Variants in DDX55 observed in about 807,000 individuals in gnomAD.
DDX55 encodes the protein DEAD-box helicase 55.
In DDX55, 56 loss-of-function variants were observed where a neutral mutation model predicts 69.2. That is an observed-to-expected ratio of 0.81 (90% CI 0.65 to 1.01). The LOEUF is 1.01. DDX55 is among the 50% of genes least tolerant of loss of function. The pLI is 0.00. For missense variants in DDX55, 720 were observed against 745.1 expected (o/e 0.97, Z 0.39); for synonymous variants, 268 against 273.1 (o/e 0.98, Z 0.18).
Position 123,607,347 on chromosome 12 carries a change from G to A in DDX55, c.247-85G>A. 5 of 1,441,408 alleles carry A rather than the reference G, an allele frequency of 3.5e-6. No homozygotes were observed. In the South Asian group the frequency reaches 6.0e-5, roughly 17 times the overall value. The allele number at this position is 1,441,408 out of a possible 1,614,324, so 89.3% of individuals were successfully genotyped here. A position where few individuals can be genotyped will look rare whatever the true frequency, so the allele number is the denominator to read the frequency against. On this transcript the variant is annotated intron_variant, in intron 3 of 13. Transcript: ENST00000238146. Reference sequence around the variant, plus strand: ...TACTGTTTCTCTGGAACTTTCCTTTGTGTGGTAGAGGGCGGAGGGCCTATG... The same window carrying A: ...TACTGTTTCTCTGGAACTTTCCTTTATGTGGTAGAGGGCGGAGGGCCTATG...
Position 123,616,570 on chromosome 12 carries a change from G to A in DDX55, c.1016G>A (p.Trp339Ter). ...ARGIDIPEVN[W>*]VLQYDPPSNA... ...GGAATTGATATTCCTGAAGTCAACT[G>A]GGTTTTGCAGTATGACCCTCCCAGC... Residue 339 changes from tryptophan (W) to a stop codon, truncating the protein, a stop_gained, in exon 10 of 14, where the codon TGG becomes TAG. Transcript: ENST00000238146. LOFTEE classifies it high-confidence loss of function. 1 of 1,614,130 alleles carries A rather than the reference G, an allele frequency of 6.2e-7. No homozygotes were observed. The highest frequency in any genetic ancestry group is 8.5e-7 in the Non-Finnish European group (1 of 1,180,016).
Position 123,615,271 on chromosome 12 carries a change from A to C in DDX55, c.911A>C (p.Lys304Thr). The part of the protein sequence containing the change: ...VKIMCIHGKM[K>T]YKRNKIFMEF... ...ATTATGTGCATTCACGGAAAGATGA[A>C]ATATAAACGCAATAAGATCTTCATG... is the stretch of plus-strand genomic sequence containing the variant. The change falls in exon 9 of 14, where the codon AAA becomes ACA. Residue 304 changes from lysine to threonine, a missense_variant. Lys to Thr is a moderately conservative substitution (Grantham distance 78). Transcript: ENST00000238146. 6.2e-7 allele frequency: 1 copy of C among 1,614,128 alleles called. No individual in the cohort carries two copies. The highest frequency in any genetic ancestry group is 8.5e-7 in the Non-Finnish European group (1 of 1,179,984).
intron 1 of DDX55, 61 bp downstream of exon 1, chr12:123,602,317 G>A (rs185483189): frequency 2.8e-4 from 400 of 1,435,236 alleles, no homozygotes; most frequent in Middle Eastern, 1.8e-3. Context: ...CGCTGCATCG[G>A]ACCCACAGGA....
chr12:123,608,535 C>A, intron 5 of DDX55, 145 bp from the exon 6 acceptor site: 1 of 946,092 alleles, frequency 1.1e-6, no homozygotes, highest in Non-Finnish European at 1.6e-6. Flanking sequence ...TTCTACCCTG[C>A]AGCACTCTTC....
At chr12:123,609,418 A>G (rs1216884701) in intron 6 of DDX55, among the ~76,000 whole-genome samples, 1 of 135,550 alleles carries the variant, frequency 7.4e-6, no homozygotes, top group Non-Finnish European at 1.5e-5. Context: ...TCTGTCATCC[A>G]GGCTAGAATG....
chr12:123,612,833 AAAG>A (rs1954358917), intron 7 of DDX55, among the ~76,000 whole-genome samples: 1 of 141,792 alleles, frequency 7.1e-6, no homozygotes, highest in Non-Finnish European at 1.5e-5. Context: ...GAAAAAAAAA[AAAG>A]AAGAAAAAAA....
Position 123,610,890 on chromosome 12 carries a change from G to GTTT in DDX55, c.741+769_741+771dup, listed in dbSNP as rs759513993. The stretch of plus-strand genomic sequence containing the variant: ...CAGGTGTGAGCCACCGCGCCCGGCC[G>GTTT]TTTTTTTTTGTTTGTTTTTTTTTGT... On this transcript the variant is annotated intron_variant, in intron 7 of 13. Coordinates refer to ENST00000238146, the MANE Select transcript of DDX55 (RefSeq NM_020936.3). Among the ~76,000 whole-genome samples the GTTT allele has an allele frequency of 2.8e-3, 370 of 132,776 alleles. 4 individuals carry two copies. Among genetic ancestry groups the GTTT allele is most frequent in the African/African-American group, 9.8e-3 (349 of 35,776 alleles). The allele number at this position is 132,776 out of a possible 152,430, so 87.1% of individuals were successfully genotyped here.
intron 3 of DDX55, among the ~76,000 whole-genome samples, chr12:123,607,053 G>A (rs180872423): frequency 6.6e-6 from 1 of 152,284 alleles, no homozygotes; most frequent in Admixed American, 6.5e-5. Flanking sequence ...AGTTCAATGA[G>A]AATGAATCAA....
In DDX55 at chr12:123,602,121, G is replaced by T. The variant is rs201503165; in HGVS notation, c.-28G>T. ...GGTGCACAAGGCGCGTTCGAGCAGCGGCGACCGACGCGGCGAAGGAGCGCG... is the reference window on the plus strand; with the variant it reads ...GGTGCACAAGGCGCGTTCGAGCAGCTGCGACCGACGCGGCGAAGGAGCGCG... On this transcript the variant is annotated 5_prime_UTR_variant, in exon 1 of 14. Coordinates refer to ENST00000238146, the MANE Select transcript of DDX55 (RefSeq NM_020936.3). 1.3e-6 allele frequency: 2 copies of T among 1,534,812 alleles called. No individual in the cohort carries two copies. The highest frequency in any genetic ancestry group is 1.4e-5 in the African/African-American group (1 of 72,610).
intron 12 of DDX55, 111 bp from the exon 13 acceptor site, chr12:123,619,321 A>C: frequency 4.8e-6 from 7 of 1,463,412 alleles, no homozygotes; most frequent in Non-Finnish European, 6.3e-6. Context: ...TTTCATTCTA[A>C]CTAAAATGAA....
chr12:123,615,846 G>T (rs546319500), intron 9 of DDX55, among the ~76,000 whole-genome samples: 15 of 152,350 alleles, frequency 9.8e-5, no homozygotes, highest in Non-Finnish European at 1.8e-4. Flanking sequence ...GTCGGGCATG[G>T]TGGCTGGCGC....
intron 12 of DDX55, among the ~76,000 whole-genome samples, chr12:123,619,167 TA>T (rs1310244783): frequency 6.6e-6 from 1 of 152,206 alleles, no homozygotes; most frequent in Non-Finnish European, 1.5e-5. Flanking sequence ...CACGCCCAGC[TA>T]ATTTTTTGTA....
At chr12:123,608,561 C>A in intron 5 of DDX55, 119 bp from the exon 6 acceptor site, 1 of 1,214,842 alleles carries the variant, frequency 8.2e-7, no homozygotes, top group Non-Finnish European at 1.2e-6. Flanking sequence ...TCATGCTCTT[C>A]GTTCTCTTCA....
At position 123,619,985 on chromosome 12, in the gene DDX55, G is replaced by A; in HGVS notation, c.1648G>A (p.Asp550Asn). The A allele has an allele frequency of 1.9e-5, 31 of 1,613,748 alleles. No individual in the cohort carries two copies. Among genetic ancestry groups the A allele is most frequent in the Non-Finnish European group, 2.6e-5 (31 of 1,179,902 alleles). ...REEGSDIEDE[D>N]MEELLNDTRL... ...TTAGGGTTCTGATATTGAAGATGAGGACATGGAAGAACTTCTTAATGACAC... is the reference window on the plus strand; with the variant it reads ...TTAGGGTTCTGATATTGAAGATGAGAACATGGAAGAACTTCTTAATGACAC... Residue 550 changes from aspartate (D) to asparagine (N), a missense_variant, in exon 14 of 14, where the codon GAC becomes AAC. Coordinates refer to ENST00000238146, the MANE Select transcript of DDX55 (RefSeq NM_020936.3).
chr12:123,608,565 C>T (rs1954024414), intron 5 of DDX55, 115 bp from the exon 6 acceptor site: 8 of 1,269,518 alleles, frequency 6.3e-6, no homozygotes, highest in Admixed American at 2.0e-5. Flanking sequence ...GCTCTTCGTT[C>T]TCTTCACTAG....
intron 13 of DDX55, 60 bp from the exon 14 acceptor site, chr12:123,619,904 G>C (rs952916407): frequency 4.0e-5 from 62 of 1,554,636 alleles, no homozygotes; most frequent in Non-Finnish European, 1.1e-5. Flanking sequence ...AAAACTGCTG[G>C]TTTCACTACA....
chr12:123,615,979 C>T (rs765472992), intron 9 of DDX55, among the ~76,000 whole-genome samples: 28 of 152,124 alleles, frequency 1.8e-4, no homozygotes, highest in Non-Finnish European at 3.7e-4. Context: ...GAGACTCCAT[C>T]TCAAAAACAA....
Position 123,610,148 on chromosome 12 carries a change from T to G in DDX55, c.741+20T>G. On this transcript the variant is annotated intron_variant, in intron 7 of 13. Transcript: ENST00000238146. Reference sequence around the variant, plus strand: ...TACATGGTAAGCGCCTGGGCTTGCTTCTTACTCAGCGATAATGACCAGTGC... The same window carrying G: ...TACATGGTAAGCGCCTGGGCTTGCTGCTTACTCAGCGATAATGACCAGTGC... 3.7e-6 allele frequency: 6 copies of G among 1,605,326 alleles called. No individual in the cohort carries two copies. The highest frequency in any genetic ancestry group is 5.1e-6 in the Non-Finnish European group (6 of 1,176,946).
chr12:123,602,457 A>T (rs2135676945), intron 1 of DDX55, among the ~76,000 whole-genome samples: 1 of 152,140 alleles, frequency 6.6e-6, no homozygotes, highest in East Asian at 1.9e-4. Context: ...GCCGCGACCC[A>T]CCCCGCCCTC....
Sources: gnomAD v4.1 joint callset for allele counts (sites outside exome capture counted in the v4.1 genomes callset) on GRCh38, gnomAD v4.1.1 for gene constraint, MANE v1.5 for transcripts, NCBI Gene and HGNC (gene_info 2026-07-23, HGNC 2026-07-21) for gene names.